Variants in UBR3 observed in about 807,000 individuals in gnomAD.
The protein encoded by UBR3 is E3 ubiquitin-protein ligase UBR3.
UBR3 carries 85 observed loss-of-function variants against 243.2 expected under a neutral mutation model. The observed-to-expected ratio is 0.35, with a 90% CI of 0.29 to 0.42. The LOEUF is 0.42. UBR3 is among the 10% of genes least tolerant of loss of function. The pLI, the probability that UBR3 is intolerant of heterozygous loss-of-function variation, is 1.00. For missense variants in UBR3, 1,686 were observed against 2,300.8 expected, an observed-to-expected ratio of 0.73 and a Z score of 5.47; for synonymous variants, 748 against 799.8, an observed-to-expected ratio of 0.94 and a Z score of 1.09.
intron 24 of UBR3, among the ~76,000 whole-genome samples, chr2:169,981,921 C>G (rs1310677703): frequency 6.6e-6 from 1 of 151,864 alleles, no homozygotes; most frequent in African/African-American, 2.4e-5. Flanking sequence ...ACTGTAAATC[C>G]TTATCAAAAT....
chr2:170,075,735 A>G (rs1464922217), intron 36 of UBR3, among the ~76,000 whole-genome samples: 2 of 152,158 alleles, frequency 1.3e-5, no homozygotes, highest in Admixed American at 1.3e-4. Flanking sequence ...TTAAATCTGT[A>G]TAGCGAGACT....
chr2:170,022,573 T>A (rs1414432933), intron 30 of UBR3, among the ~76,000 whole-genome samples: 2 of 152,136 alleles, frequency 1.3e-5, no homozygotes, highest in East Asian at 3.9e-4. Context: ...GAACCTAACC[T>A]AACTTTTTAC....
Position 169,958,087 on chromosome 2 carries a change from A to G in UBR3, c.3546-351A>G, listed in dbSNP as rs892366229. 3.3e-5 allele frequency among the ~76,000 whole-genome samples: 4 copies of G among 120,186 alleles called. No individual in the cohort carries two copies. The Admixed American group carries it at 3.4e-4, about 10-fold the overall frequency. The allele number at this position is 120,186 out of a possible 152,430, so 78.8% of individuals were successfully genotyped here. On this transcript the variant is annotated intron_variant, in intron 23 of 38. Transcript: ENST00000272793. ...TATTTGTGCCTGGGATTAAATTGTT[A>G]GTCTCTTGCTAAAAAAATATGTTCT...
At chr2:169,842,251 T>G (rs2082321517) in intron 1 of UBR3, among the ~76,000 whole-genome samples, 1 of 152,128 alleles carries the variant, frequency 6.6e-6, no homozygotes, top group Non-Finnish European at 1.5e-5. Context: ...TCGTGGGGCC[T>G]TGGAGAACCT....
intron 27 of UBR3, among the ~76,000 whole-genome samples, chr2:170,006,578 GA>G (rs2089920461): frequency 6.6e-6 from 1 of 152,140 alleles, no homozygotes; most frequent in African/African-American, 2.4e-5. Context: ...CTAGATCAAA[GA>G]ACATGAGCAT....
At chr2:169,962,643 T>C (rs1477966254) in intron 24 of UBR3, among the ~76,000 whole-genome samples, 1 of 152,232 alleles carries the variant, frequency 6.6e-6, no homozygotes, top group African/African-American at 2.4e-5. Flanking sequence ...ATATCATTTG[T>C]TCTTTTTGTT....
intron 24 of UBR3, among the ~76,000 whole-genome samples, chr2:169,960,389 A>C (rs1017768): frequency 6.6e-6 from 1 of 152,000 alleles, no homozygotes; most frequent in South Asian, 2.1e-4. Context: ...TCTGAAAAAA[A>C]CTGAAATCTG....
intron 24 of UBR3, among the ~76,000 whole-genome samples, chr2:169,985,520 C>T (rs1386227926): frequency 6.6e-6 from 1 of 152,124 alleles, no homozygotes; most frequent in East Asian, 1.9e-4. Context: ...CATGAGCCAC[C>T]ATGCCCGGCC....
chr2:169,885,450 A>G (rs968033617), intron 5 of UBR3, among the ~76,000 whole-genome samples: 12 of 152,148 alleles, frequency 7.9e-5, no homozygotes, highest in African/African-American at 2.9e-4. Context: ...GCGTGGTGGC[A>G]CATGCCTGTA....
chr2:169,964,334 A>G (rs1454457848), intron 24 of UBR3: 2 of 447,564 alleles, frequency 4.5e-6, no homozygotes, highest in Admixed American at 5.1e-5. Context: ...AAGAACTAAG[A>G]GAAAAGCTTA....
Position 170,007,009 on chromosome 2 carries a change from G to C in UBR3, c.4049G>C (p.Gly1350Ala). ...ESLRNDQVLQ[G>A]FSVDKGEFTC... ...TTTTAGAATGACCAGGTTCTTCAGG[G>C]CTTCTCGGTGGACAAAGGAGAATTC... is the stretch of plus-strand genomic sequence containing the variant. Residue 1350 changes from glycine to alanine, a missense_variant, in exon 28 of 39, where the codon GGC (glycine) becomes GCC (alanine). Gly to Ala is a moderately conservative substitution (Grantham distance 60). This residue lies in a region of UBR3 where 156 missense variants were observed against 246.3 expected (regional missense o/e 0.63). Transcript: ENST00000272793. 2 of 1,613,458 alleles carry C rather than the reference G, an allele frequency of 1.2e-6. No individual in the cohort carries two copies. The highest frequency in any genetic ancestry group is 1.7e-6 in the Non-Finnish European group (2 of 1,179,898).
At chr2:169,988,881 GC>G (rs1237340632) in intron 25 of UBR3, among the ~76,000 whole-genome samples, 1 of 152,108 alleles carries the variant, frequency 6.6e-6, no homozygotes, top group Non-Finnish European at 1.5e-5. Context: ...GAATTCTCTA[GC>G]TGTTTCCTTC....
Position 170,029,455 on chromosome 2 carries a change from A to G in UBR3, c.4556+7A>G, listed in dbSNP as rs2090614622. On this transcript the variant is annotated splice_region_variant and intron_variant, in intron 31 of 38. Coordinates refer to ENST00000272793, the MANE Select transcript of UBR3 (RefSeq NM_172070.4). The stretch of plus-strand genomic sequence containing the variant: ...TAGAAGAGATGAATCCACAGTAAGT[A>G]TAATTGAAAGACTAAAATCAATTAA... 4 of 1,589,230 alleles carry G rather than the reference A, an allele frequency of 2.5e-6. No individual in the cohort carries two copies. Among genetic ancestry groups the G allele is most frequent in the Middle Eastern group, 1.7e-4 (1 of 5,936 alleles).
In UBR3 at chr2:169,894,322, GAAAAA is replaced by G. The variant is rs59525862; in HGVS notation, c.1106-836_1106-832del. 9.4e-3 allele frequency among the ~76,000 whole-genome samples: 736 copies of G among 78,218 alleles called. 3 individuals carry two copies. The highest frequency in any genetic ancestry group is 0.029 in the African/African-American group (504 of 17,572). 51.3% of individuals were successfully genotyped at this position (78,218 alleles called of 152,430 possible). A position where few individuals can be genotyped will look rare whatever the true frequency, so the allele number is the denominator to read the frequency against. Reference sequence around the variant, plus strand: ...TCCAGAGTGAGACCCTGACTCTTAAGAAAAAAAAAAAAAAAAAAAAAAAAAAAGAT... The same window carrying G: ...TCCAGAGTGAGACCCTGACTCTTAAGAAAAAAAAAAAAAAAAAAAAAAGAT... On this transcript the variant is annotated intron_variant, in intron 6 of 38. Coordinates refer to ENST00000272793, the MANE Select transcript of UBR3 (RefSeq NM_172070.4).
At chr2:170,066,638 G>A (rs1176104808) in intron 35 of UBR3, among the ~76,000 whole-genome samples, 4 of 152,054 alleles carry the variant, frequency 2.6e-5, no homozygotes, top group Non-Finnish European at 5.9e-5. Flanking sequence ...TACATGCTAA[G>A]CACTGTTTAA....
intron 11 of UBR3, among the ~76,000 whole-genome samples, chr2:169,919,455 G>A (rs569121437): frequency 6.6e-6 from 1 of 152,280 alleles, no homozygotes; most frequent in South Asian, 2.1e-4. Context: ...AGCCAAAATT[G>A]ACAAATGGGA....
At chr2:169,896,281 C>T (rs568800219) in intron 7 of UBR3, among the ~76,000 whole-genome samples, 15 of 151,600 alleles carry the variant, frequency 9.9e-5, no homozygotes, top group South Asian at 6.3e-4. Context: ...AGCAAGACTC[C>T]GTTTTGGGGG....
chr2:170,041,046 T>C (rs2090955820), intron 32 of UBR3, 61 bp downstream of exon 32: 1 of 1,488,722 alleles, frequency 6.7e-7, no homozygotes, highest in Non-Finnish European at 9.2e-7. Context: ...ATTCTAGAGA[T>C]TATAGAGACA....
chr2:169,839,289 T>C (rs1478808660), intron 1 of UBR3, among the ~76,000 whole-genome samples: 13 of 152,132 alleles, frequency 8.5e-5, no homozygotes, highest in Non-Finnish European at 1.2e-4. Context: ...ATATCACATG[T>C]TCTCACTCAT....
Sources: gnomAD v4.1 joint callset for allele counts (sites outside exome capture counted in the v4.1 genomes callset) on GRCh38, gnomAD v4.1.1 for gene constraint, gnomAD v4.1.1 regional missense constraint, MANE v1.5 for transcripts, NCBI Gene and HGNC (gene_info 2026-07-23, HGNC 2026-07-21) for gene names.